IL1RAPL2: variants seen among roughly 807,000 people sequenced by gnomAD.
IL1RAPL2 encodes the protein X-linked interleukin-1 receptor accessory protein-like 2.
IL1RAPL2 carries 3 observed loss-of-function variants against 44.1 expected under a neutral mutation model. The ratio of observed to expected loss-of-function variants is 0.07; its 90% CI spans 0.03 to 0.18. The LOEUF (loss-of-function observed/expected upper bound fraction) is 0.18, where lower values mean the gene tolerates loss of function less well. IL1RAPL2 is among the 10% of genes least tolerant of loss of function. The pLI is 1.00. For synonymous variants in IL1RAPL2, 181 were observed against 178.8 expected (o/e 1.01, Z -0.10); for missense variants, 391 against 496.4 (o/e 0.79, Z 2.02).
intron 2 of IL1RAPL2, among the ~76,000 whole-genome samples, chrX:105,193,811 A>G (rs187572989): frequency 1.2e-4 from 13 of 112,032 alleles, no homozygotes. Flanking sequence ...ATCCTCGAAG[A>G]AAGTTTAGAT....
intron 5 of IL1RAPL2, among the ~76,000 whole-genome samples, chrX:105,447,108 A>ATATAAATATAT (rs2035963967): frequency 3.4e-4 from 7 of 20,585 alleles, no homozygotes; most frequent in African/African-American, 1.7e-3. Context: ...TATATATATA[A>ATATAAATATAT]AAATATATAT....
At chrX:105,232,018 A>G (rs1233929637) in intron 3 of IL1RAPL2, among the ~76,000 whole-genome samples, 1 of 112,099 alleles carries the variant, frequency 8.9e-6, no homozygotes, top group Non-Finnish European at 1.9e-5. Flanking sequence ...CAGTGGGCAT[A>G]TCTTATGACC....
chrX:104,934,050 T>G (rs1025746780), intron 2 of IL1RAPL2, among the ~76,000 whole-genome samples: 1 of 112,039 alleles, frequency 8.9e-6, no homozygotes, highest in Non-Finnish European at 1.9e-5. Flanking sequence ...ATATTAGAAA[T>G]TGATGATTTT....
chrX:105,341,814 C>A (rs1005341848), intron 5 of IL1RAPL2, among the ~76,000 whole-genome samples: 1 of 110,463 alleles, frequency 9.1e-6, no homozygotes, highest in African/African-American at 3.3e-5. Context: ...GCCTGTAATC[C>A]CAGCTACTCC....
chrX:105,727,534 T>C (rs2038362014), intron 7 of IL1RAPL2, among the ~76,000 whole-genome samples: 1 of 111,428 alleles, frequency 9.0e-6, no homozygotes, highest in East Asian at 2.8e-4. Flanking sequence ...GTGATATTGA[T>C]GATATGGGCA....
chrX:105,565,394 C>A (rs2036967394), intron 6 of IL1RAPL2, among the ~76,000 whole-genome samples: 1 of 111,113 alleles, frequency 9.0e-6, no homozygotes, highest in African/African-American at 3.3e-5. Context: ...GCTTTGATTA[C>A]CTAGAAACCA....
At chrX:105,593,462 T>C (rs189253514) in intron 6 of IL1RAPL2, among the ~76,000 whole-genome samples, 119 of 112,086 alleles carry the variant, frequency 1.1e-3, no homozygotes, top group African/African-American at 3.8e-3. Context: ...TTATGAAGCA[T>C]TGCTGAGGAA....
At chrX:104,616,500 G>T (rs1306786643) in intron 1 of IL1RAPL2, among the ~76,000 whole-genome samples, 1 of 112,219 alleles carries the variant, frequency 8.9e-6, no homozygotes, top group Non-Finnish European at 1.9e-5. Context: ...TTAGCCACAA[G>T]ATTAGAAATT....
At chrX:105,155,943 G>A (rs965720586) in intron 2 of IL1RAPL2, among the ~76,000 whole-genome samples, 3 of 111,222 alleles carry the variant, frequency 2.7e-5, no homozygotes, top group Non-Finnish European at 5.7e-5. Context: ...CTGTGAGCAA[G>A]CCACTTTGAC....
At chrX:104,755,674 T>C (rs1235747008) in intron 2 of IL1RAPL2, among the ~76,000 whole-genome samples, 1 of 110,737 alleles carries the variant, frequency 9.0e-6, no homozygotes, top group Non-Finnish European at 1.9e-5. Context: ...AGAGTCCTTT[T>C]AGATTTTTGT....
At chrX:105,567,782 A>G (rs757307288) in intron 6 of IL1RAPL2, among the ~76,000 whole-genome samples, 1 of 111,437 alleles carries the variant, frequency 9.0e-6, no homozygotes, top group East Asian at 2.8e-4. Context: ...TTTATTAAAT[A>G]TAATATTATT....
intron 2 of IL1RAPL2, among the ~76,000 whole-genome samples, chrX:105,013,170 A>T (rs1162789679): frequency 9.0e-6 from 1 of 111,199 alleles, no homozygotes; most frequent in Admixed American, 9.7e-5. Flanking sequence ...TAAAGAAAAG[A>T]GAAGAGAGTA....
At chrX:105,193,223 C>G (rs1246803409) in intron 2 of IL1RAPL2, among the ~76,000 whole-genome samples, 2 of 110,921 alleles carry the variant, frequency 1.8e-5, no homozygotes, top group African/African-American at 3.3e-5. Flanking sequence ...ATTTTTTTTT[C>G]TATCAAGTAG....
intron 4 of IL1RAPL2, among the ~76,000 whole-genome samples, chrX:105,260,751 C>T (rs1308843152): frequency 8.9e-6 from 1 of 112,559 alleles, no homozygotes; most frequent in Non-Finnish European, 1.9e-5. Context: ...CACTGGTCAG[C>T]TTAGACTCTC....
chrX:105,402,890 A>G (rs778527580), intron 5 of IL1RAPL2, among the ~76,000 whole-genome samples: 1 of 111,883 alleles, frequency 8.9e-6, no homozygotes, highest in Non-Finnish European at 1.9e-5. Context: ...TTATTAACTC[A>G]TAACAGAGGC....
rs189239425 is a variant in IL1RAPL2, at chrX:105,615,833, T to C, written c.773-101534T>C. On this transcript the variant is annotated intron_variant, in intron 6 of 10. Transcript: ENST00000372582. ...TTAAAAATAACTAAAAGAGTATCGT[T>C]GGATTGTTTGTAATGCAAAGGATAA... 2.1e-3 allele frequency among the ~76,000 whole-genome samples: 240 copies of C among 112,305 alleles called. 2 individuals carry two copies. Among genetic ancestry groups the C allele is most frequent in the African/African-American group, 7.5e-3 (233 of 30,997 alleles).
chrX:105,223,416 C>T (rs2033985974), intron 3 of IL1RAPL2, among the ~76,000 whole-genome samples: 1 of 111,099 alleles, frequency 9.0e-6, no homozygotes, highest in Non-Finnish European at 1.9e-5. Context: ...TTATAGTTGT[C>T]CCCCTTACTC....
At chrX:105,664,145 G>C (rs2037740103) in intron 6 of IL1RAPL2, among the ~76,000 whole-genome samples, 1 of 112,128 alleles carries the variant, frequency 8.9e-6, no homozygotes, top group Non-Finnish European at 1.9e-5. Context: ...AAAATGTCAA[G>C]ATAACAGGAG....
intron 2 of IL1RAPL2, among the ~76,000 whole-genome samples, chrX:105,192,483 A>G (rs1227031935): frequency 9.1e-6 from 1 of 110,439 alleles, no homozygotes; most frequent in Non-Finnish European, 1.9e-5. Context: ...ATCCTTTTCT[A>G]CCTCCTTTTG....
Sources: gnomAD v4.1 joint callset for allele counts (sites outside exome capture counted in the v4.1 genomes callset) on GRCh38, gnomAD v4.1.1 for gene constraint, MANE v1.5 for transcripts, NCBI Gene and HGNC (gene_info 2026-07-23, HGNC 2026-07-21) for gene names.